Variants in SH3TC1 observed in about 807,000 individuals in gnomAD.
SH3TC1 encodes the protein SH3 domain and tetratricopeptide repeat-containing protein 1.
In SH3TC1, 135 loss-of-function variants were observed where a neutral mutation model predicts 117.3. The ratio of observed to expected loss-of-function variants is 1.15; its 90% confidence interval spans 1.00 to 1.33. The LOEUF (loss-of-function observed/expected upper bound fraction) is 1.33, where lower values mean the gene tolerates loss of function less well. Among genes scored for constraint, SH3TC1 ranks in the 40% most tolerant of loss-of-function variants. The pLI is 0.00. For missense variants in SH3TC1, 2,092 were observed against 1,794.3 expected, an observed-to-expected ratio of 1.17 and a Z score of -3.00; for synonymous variants, 898 against 816.9, an observed-to-expected ratio of 1.10 and a Z score of -1.69.
chr4:8,202,421 A>T (rs1467500348), intron 1 of SH3TC1, among the ~76,000 whole-genome samples: 1 of 152,186 alleles, frequency 6.6e-6, no homozygotes, highest in Non-Finnish European at 1.5e-5. Context: ...AGCAAGTCTC[A>T]TGGGCTGCAC....
At chr4:8,224,606 C>T (rs1720286553) in intron 10 of SH3TC1, 1 of 153,354 alleles carries the variant, frequency 6.5e-6, no homozygotes, top group Admixed American at 6.5e-5. Context: ...AGCTATTTCT[C>T]ACTTGACCTC....
intron 1 of SH3TC1, among the ~76,000 whole-genome samples, chr4:8,182,577 T>C (rs569526207): frequency 6.6e-6 from 1 of 152,296 alleles, no homozygotes; most frequent in South Asian, 2.1e-4. Context: ...CAAGAGGCTG[T>C]GGCCAGGGGT....
In SH3TC1 at chr4:8,227,719, C is replaced by T. The variant is rs200155873; in HGVS notation, c.2025C>T (p.His675=). The T allele has an allele frequency of 1.1e-4, 173 of 1,583,296 alleles. 1 individual carries two copies. In the East Asian group the frequency reaches 2.3e-3, roughly 21 times the overall value. Residue 675 remains histidine (H), a synonymous_variant, in exon 12 of 18, where the codon CAC becomes CAT. Transcript: ENST00000245105. The part of the protein sequence containing the change: ...ARACFLLARH[H]VHLKQPEEAL... ...CCTGCTTCCTGCTGGCCAGGCACCA[C>T]GTGCACCTCAAGCAGCCCGAGGAGG...
chr4:8,220,387 T>TG (rs35719688), intron 9 of SH3TC1, among the ~76,000 whole-genome samples: 41,056 of 151,576 alleles, frequency 0.27, 6,394 homozygotes, highest in Non-Finnish European at 0.36. Context: ...GTGGCTCCTC[T>TG]GGGGGGGGCA....
chr4:8,194,002 A>G (rs992076780), intron 1 of SH3TC1, among the ~76,000 whole-genome samples: 1 of 152,162 alleles, frequency 6.6e-6, no homozygotes, highest in African/African-American at 2.4e-5. Context: ...CAAAGACAAA[A>G]GCCACCACCC....
At chr4:8,233,776 A>C (rs1324291200) in intron 14 of SH3TC1, among the ~76,000 whole-genome samples, 1 of 91,402 alleles carries the variant, frequency 1.1e-5, no homozygotes, top group African/African-American at 4.4e-5. Context: ...CCATCCTTCC[A>C]TTATCCATCC....
At chr4:8,212,533 G>C (rs566740888) in intron 3 of SH3TC1, among the ~76,000 whole-genome samples, 168 bp from the exon 4 acceptor site, 22 of 152,200 alleles carry the variant, frequency 1.4e-4, no homozygotes, top group Non-Finnish European at 2.4e-4. Flanking sequence ...CTTTATAGGG[G>C]TGGGGCAAGG....
At chr4:8,191,248 C>A (rs1011765751) in intron 1 of SH3TC1, among the ~76,000 whole-genome samples, 1 of 152,236 alleles carries the variant, frequency 6.6e-6, no homozygotes, top group African/African-American at 2.4e-5. Flanking sequence ...GCAGAGTCAG[C>A]GATTCCCTGG....
In SH3TC1 at chr4:8,210,741, C is replaced by T. The variant is rs1403412013; in HGVS notation, c.247+919C>T. Among the ~76,000 whole-genome samples the T allele has an allele frequency of 3.4e-5, 3 of 88,838 alleles. No individual in the cohort carries two copies. Among genetic ancestry groups the T allele is most frequent in the Non-Finnish European group, 6.0e-5 (3 of 50,388 alleles). 58.3% of individuals were successfully genotyped at this position (88,838 alleles called of 152,430 possible). A position where few individuals can be genotyped will look rare whatever the true frequency, so the allele number is the denominator to read the frequency against. On this transcript the variant is annotated intron_variant, in intron 3 of 17. Coordinates refer to ENST00000245105, the MANE Select transcript of SH3TC1 (RefSeq NM_018986.5). This position sits in a 1 kb window ranked among gnomAD's most constrained non-coding sequence, Gnocchi z 4.1. ...CGCCATTGCACTCCAGCCTGGGCAA[C>T]TTCTGAAAAAAAAAAAAAAAAAAAA...
At chr4:8,212,231 C>G (rs1718807734) in intron 3 of SH3TC1, among the ~76,000 whole-genome samples, 1 of 152,168 alleles carries the variant, frequency 6.6e-6, no homozygotes, top group Non-Finnish European at 1.5e-5. Context: ...GTGGGTGCCC[C>G]CATGGTCCCA....
intron 17 of SH3TC1, among the ~76,000 whole-genome samples, chr4:8,238,919 G>T (rs1020000591): frequency 2.0e-5 from 3 of 152,210 alleles, no homozygotes; most frequent in Non-Finnish European, 2.9e-5. Context: ...GCGCAGGCCA[G>T]CTTCCCACAG....
In SH3TC1 at chr4:8,217,102, C is replaced by A. The variant is rs996609140; in HGVS notation, c.774C>A (p.Ser258Arg). ...AAPETDSSPP[S>R]PSVSSEEVAV... ...CGGAAACAGACTCTTCACCGCCGAG[C>A]CCCAGCGTGTCCTCCGAGGAGGTGG... is the stretch of plus-strand genomic sequence containing the variant. The change falls in exon 7 of 18, where the codon AGC becomes AGA. Residue 258 changes from serine to arginine, a missense_variant. Transcript: ENST00000245105. 7.4e-6 allele frequency: 12 copies of A among 1,613,448 alleles called. No individual in the cohort carries two copies. The highest frequency in any genetic ancestry group is 2.7e-5 in the African/African-American group (2 of 74,958).
intron 3 of SH3TC1, among the ~76,000 whole-genome samples, chr4:8,212,011 G>C (rs1483485962): frequency 6.6e-6 from 1 of 151,986 alleles, no homozygotes; most frequent in Non-Finnish European, 1.5e-5. Flanking sequence ...ACCCGCCAAG[G>C]CTCAGAACCA....
At chr4:8,215,673 T>C (rs1719190718) in intron 5 of SH3TC1, among the ~76,000 whole-genome samples, 1 of 152,044 alleles carries the variant, frequency 6.6e-6, no homozygotes, top group South Asian at 2.1e-4. Context: ...AGGGGGGAGC[T>C]CGCAGCATCC....
chr4:8,231,839 G>A, intron 12 of SH3TC1, 137 bp from the exon 13 acceptor site: 1 of 958,732 alleles, frequency 1.0e-6, no homozygotes. Flanking sequence ...GTCACGGTGT[G>A]CTCAGCGGTT....
chr4:8,193,271 T>C (rs913251804), intron 1 of SH3TC1, among the ~76,000 whole-genome samples: 2 of 152,172 alleles, frequency 1.3e-5, no homozygotes, highest in Non-Finnish European at 2.9e-5. Flanking sequence ...AGAGTATGGG[T>C]AGCCTCTAGC....
In SH3TC1 at chr4:8,225,088, C is replaced by T; in HGVS notation, c.1244-87C>T. 3 of 1,512,408 alleles carry T rather than the reference C, an allele frequency of 2.0e-6. No individual in the cohort carries two copies. Among genetic ancestry groups the T allele is most frequent in the Non-Finnish European group, 2.7e-6 (3 of 1,098,264 alleles). The allele number at this position is 1,512,408 out of a possible 1,614,324, so 93.7% of individuals were successfully genotyped here. A position where few individuals can be genotyped will look rare whatever the true frequency, so the allele number is the denominator to read the frequency against. ...TACCTGCACCCAGCAATGCTCTCAC[C>T]CTGCAACATCGACACTAGCTCAACC... On this transcript the variant is annotated intron_variant, in intron 10 of 17. Coordinates refer to ENST00000245105, the MANE Select transcript of SH3TC1 (RefSeq NM_018986.5). This position sits in a 1 kb window ranked among gnomAD's most constrained non-coding sequence, Gnocchi z 5.5.
At chr4:8,224,143 G>A (rs1720233485) in intron 10 of SH3TC1, among the ~76,000 whole-genome samples, 1 of 152,142 alleles carries the variant, frequency 6.6e-6, no homozygotes, top group Non-Finnish European at 1.5e-5. Context: ...CTCACAAGGT[G>A]TACACGCACA....
chr4:8,222,950 T>C lies in SH3TC1; in HGVS notation c.1223T>C (p.Val408Ala), dbSNP rs1412747441. The C allele has an allele frequency of 1.2e-6, 2 of 1,612,480 alleles. No individual in the cohort carries two copies. Among genetic ancestry groups the C allele is most frequent in the African/African-American group, 1.3e-5 (1 of 75,014 alleles). The change falls in exon 10 of 18, where the codon GTC (valine) becomes GCC (alanine). Residue 408 changes from valine (V) to alanine (A), a missense_variant. Coordinates refer to ENST00000245105, the MANE Select transcript of SH3TC1 (RefSeq NM_018986.5). The stretch of plus-strand genomic sequence containing the variant: ...CTGAGGCGGATGTCGGGCACCGATG[T>C]CTGCAGCGTGTACAGCCTGGGTGCG... ...QLLRRMSGTD[V>A]CSVYSLDSVE...
Sources: gnomAD v4.1 joint callset for allele counts (sites outside exome capture counted in the v4.1 genomes callset) on GRCh38, gnomAD v4.1.1 for gene constraint, Gnocchi (gnomAD v3.1) non-coding constraint, MANE v1.5 for transcripts, NCBI Gene and HGNC (gene_info 2026-07-23, HGNC 2026-07-21) for gene names.